Variants in CIT observed in about 807,000 individuals in gnomAD.
The protein encoded by CIT is citron rho-interacting serine/threonine kinase.
Under a neutral mutation model 272.7 loss-of-function variants are expected in CIT, and 79 were observed. The ratio of observed to expected loss-of-function variants is 0.29; its 90% confidence interval spans 0.24 to 0.35. The LOEUF (loss-of-function observed/expected upper bound fraction) is 0.35, where lower values mean the gene tolerates loss of function less well. CIT is among the 10% of genes least tolerant of loss of function. The pLI, the probability that CIT is intolerant of heterozygous loss-of-function variation, is 1.00. For missense variants in CIT, 1,909 were observed against 2,618.3 expected, an observed-to-expected ratio of 0.73 and a Z score of 5.91; for synonymous variants, 948 against 995.6, an observed-to-expected ratio of 0.95 and a Z score of 0.90.
Position 119,730,528 on chromosome 12 carries a change from C to T in CIT, c.3453G>A (p.Glu1151=), listed in dbSNP as rs774914471. The change falls in exon 27 of 48, where the codon GAG becomes GAA. Residue 1151 remains glutamate, a synonymous_variant. Transcript: ENST00000392521. ...AGAGGCTCTCGGCCTTCAGCTTCTG[C>T]TCTTTGAGAGCCTGCTGCAGAGCGA... ...EILALQQALK[E]QKLKAESLSD... 1.2e-6 allele frequency: 2 copies of T among 1,613,960 alleles called. No individual in the cohort carries two copies. The highest frequency in any genetic ancestry group is 1.7e-6 in the Non-Finnish European group (2 of 1,179,874).
At chr12:119,802,028 C>T (rs747266579) in intron 10 of CIT, among the ~76,000 whole-genome samples, 5 of 152,286 alleles carry the variant, frequency 3.3e-5, no homozygotes, top group African/African-American at 7.2e-5. Flanking sequence ...TTTTCAGGAA[C>T]GTTACTGTCA....
At chr12:119,772,324 A>C (rs1285983423) in intron 17 of CIT, among the ~76,000 whole-genome samples, 1 of 152,212 alleles carries the variant, frequency 6.6e-6, no homozygotes, top group African/African-American at 2.4e-5. Flanking sequence ...ACAACAAAGA[A>C]TTTGAAGTAG....
At position 119,712,484 on chromosome 12, in the gene CIT, T is replaced by C. The variant is rs2137065570; in HGVS notation, c.4684+107A>G. On this transcript the variant is annotated intron_variant, in intron 36 of 47. Coordinates refer to ENST00000392521, the MANE Select transcript of CIT (RefSeq NM_001206999.2). This position sits in a 1 kb window ranked among gnomAD's most constrained non-coding sequence, Gnocchi z 5.2. ...CGCCAAGGCGGGGAGCGGAGGAAGA[T>C]GGGCCTCCTTTGCAGAGCCAATCTT... is the stretch of plus-strand genomic sequence containing the variant. 1 of 1,395,412 alleles carries C rather than the reference T, an allele frequency of 7.2e-7. No individual in the cohort carries two copies. Among genetic ancestry groups the C allele is most frequent in the Non-Finnish European group, 1.0e-6 (1 of 1,003,068 alleles). 86.4% of individuals were successfully genotyped at this position (1,395,412 alleles called of 1,614,324 possible).
chr12:119,703,563 T>A (rs929335108), intron 41 of CIT, among the ~76,000 whole-genome samples: 1 of 151,716 alleles, frequency 6.6e-6, no homozygotes, highest in Non-Finnish European at 1.5e-5. Context: ...GTAGCTGAGA[T>A]AACAAGCACC....
At chr12:119,744,702 G>A (rs1305420942) in intron 23 of CIT, among the ~76,000 whole-genome samples, 12 of 116,034 alleles carry the variant, frequency 1.0e-4, no homozygotes, top group South Asian at 5.7e-4. Context: ...GCAACAGGGC[G>A]AGACTCCGCC....
intron 23 of CIT, among the ~76,000 whole-genome samples, chr12:119,751,595 G>C (rs1960264673): frequency 1.5e-5 from 2 of 131,650 alleles, no homozygotes; most frequent in South Asian, 2.6e-4. Flanking sequence ...ACAGGAAGCA[G>C]AATCTACAGC....
chr12:119,803,876 A>G (rs1309906482), intron 9 of CIT, among the ~76,000 whole-genome samples: 3 of 152,220 alleles, frequency 2.0e-5, no homozygotes, highest in Non-Finnish European at 4.4e-5. Flanking sequence ...AACCGGGATA[A>G]GAGGAAGGAC....
intron 7 of CIT, 130 bp from the exon 8 acceptor site, chr12:119,825,498 T>C (rs1968088024): frequency 1.3e-6 from 1 of 746,962 alleles, no homozygotes; most frequent in Non-Finnish European, 2.2e-6. Context: ...AAACCAGCTG[T>C]CAAGTGGCAC....
intron 19 of CIT, among the ~76,000 whole-genome samples, chr12:119,764,403 A>C (rs1390973520): frequency 2.6e-5 from 4 of 152,184 alleles, no homozygotes; most frequent in Non-Finnish European, 4.4e-5. Flanking sequence ...GAATGACCCA[A>C]ATAGAATGTC....
chr12:119,823,699 C>A (rs1466971214), intron 8 of CIT, among the ~76,000 whole-genome samples: 1 of 152,120 alleles, frequency 6.6e-6, no homozygotes, highest in East Asian at 1.9e-4. Context: ...CGTTCCTTTT[C>A]CTTTTGGTTG....
chr12:119,846,536 T>G (rs1212917835), intron 5 of CIT, among the ~76,000 whole-genome samples: 1 of 152,134 alleles, frequency 6.6e-6, no homozygotes, highest in African/African-American at 2.4e-5. Flanking sequence ...CCACTTAGAT[T>G]CTGTGTGGCC....
At position 119,690,596 on chromosome 12, in the gene CIT, C is replaced by A; in HGVS notation, c.5883-142G>T. The A allele has an allele frequency of 3.7e-6, 3 of 810,514 alleles. No homozygotes were observed. The highest frequency in any genetic ancestry group is 3.7e-5 in the Admixed American group (1 of 27,350). 50.2% of individuals were successfully genotyped at this position (810,514 alleles called of 1,614,324 possible). A position where few individuals can be genotyped will look rare whatever the true frequency, so the allele number is the denominator to read the frequency against. On this transcript the variant is annotated intron_variant, in intron 46 of 47. Transcript: ENST00000392521. The surrounding 1 kb of genome is among the most constrained non-coding windows in gnomAD (Gnocchi z 6.0). ...TAGACCTGGAGTTCTTTGGACTTTG[C>A]CTGCATTTGATTTTGGTAGCAAAGA... is the stretch of plus-strand genomic sequence containing the variant.
chr12:119,802,420 C>T (rs925774641), intron 10 of CIT, among the ~76,000 whole-genome samples: 5 of 152,200 alleles, frequency 3.3e-5, no homozygotes, highest in African/African-American at 1.2e-4. Context: ...TCTGTTAATG[C>T]ATTTTTCAAT....
Position 119,710,570 on chromosome 12 carries a change from G to A in CIT, c.4905C>T (p.Asp1635=), listed in dbSNP as rs371822389. 76 of 1,614,110 alleles carry A rather than the reference G, an allele frequency of 4.7e-5. No individual in the cohort carries two copies. Among genetic ancestry groups the A allele is most frequent in the Non-Finnish European group, 6.4e-5 (75 of 1,180,048 alleles). Residue 1635 remains aspartate, a synonymous_variant, in exon 38 of 48, where the codon GAC becomes GAT. Coordinates refer to ENST00000392521, the MANE Select transcript of CIT (RefSeq NM_001206999.2). The surrounding 1 kb of genome is among the most constrained non-coding windows in gnomAD (Gnocchi z 5.6). ...CACTGAAGGGCAGCGTGCAGTTCAT[G>A]TCTAGACGGTCATCACCTTCCAGTT... ...LLKLEGDDRL[D]MNCTLPFSDQ...
intron 21 of CIT, among the ~76,000 whole-genome samples, chr12:119,758,242 G>A (rs1961288433): frequency 6.6e-6 from 1 of 152,136 alleles, no homozygotes; most frequent in South Asian, 2.1e-4. Context: ...CAACTAAATG[G>A]ATGGCCCAAC....
In CIT at chr12:119,717,404, TTTTTC is replaced by T. The variant is rs199891461; in HGVS notation, c.4168+836_4168+840del. On this transcript the variant is annotated intron_variant, in intron 32 of 47. Coordinates refer to ENST00000392521, the MANE Select transcript of CIT (RefSeq NM_001206999.2). ...AGATGTGCTTATTTTTTCATATTCT[TTTTTC>T]TTTTCTTTTCTTTTTTTTTTTTTTT... 8.0e-3 allele frequency among the ~76,000 whole-genome samples: 1,012 copies of T among 126,250 alleles called. 42 individuals are homozygous for T. Among genetic ancestry groups the T allele is most frequent in the East Asian group, 9.6e-3 (42 of 4,372 alleles). 82.8% of individuals were successfully genotyped at this position (126,250 alleles called of 152,430 possible).
At position 119,784,776 on chromosome 12, in the gene CIT, A is replaced by G; in HGVS notation, c.1401+184T>C. On this transcript the variant is annotated intron_variant, in intron 11 of 47. Transcript: ENST00000392521. This position sits in a 1 kb window ranked among gnomAD's most constrained non-coding sequence, Gnocchi z 4.7. ...GTTTAGATTTAAAGGATTTACAGCA[A>G]CAGCAAGGCCCGAATTCATCTCCCT... 7.0e-7 allele frequency: 1 copy of G among 1,424,598 alleles called. No homozygotes were observed. 88.2% of individuals were successfully genotyped at this position (1,424,598 alleles called of 1,614,324 possible). A position where few individuals can be genotyped will look rare whatever the true frequency, so the allele number is the denominator to read the frequency against.
At chr12:119,862,512 A>C (rs1204775768) in intron 3 of CIT, among the ~76,000 whole-genome samples, 1 of 151,828 alleles carries the variant, frequency 6.6e-6, no homozygotes, top group African/African-American at 2.4e-5. Flanking sequence ...CCCCAGTGTA[A>C]TACTATTAAG....
intron 30 of CIT, chr12:119,719,066 G>C (rs1202911569): frequency 1.8e-6 from 1 of 551,190 alleles, no homozygotes; most frequent in Non-Finnish European, 3.2e-6. Flanking sequence ...TAGGGGTGCG[G>C]AAGTTTTCAC....
Sources: gnomAD v4.1 joint callset for allele counts (sites outside exome capture counted in the v4.1 genomes callset) on GRCh38, gnomAD v4.1.1 for gene constraint, Gnocchi (gnomAD v3.1) non-coding constraint, MANE v1.5 for transcripts, NCBI Gene and HGNC (gene_info 2026-07-23, HGNC 2026-07-21) for gene names.